The following TRAPPC9 variants were observed in gnomAD, a reference collection of about 807,000 sequenced individuals.
The protein encoded by TRAPPC9 is trafficking protein particle complex subunit 9, also known as IKK2 binding protein.
TRAPPC9 carries 83 observed loss-of-function variants against 124.0 expected under a neutral mutation model. The ratio of observed to expected loss-of-function variants is 0.67; its 90% CI spans 0.56 to 0.80. The LOEUF is 0.80. Ranked by LOEUF, TRAPPC9 falls within the 30% of genes least tolerant of loss-of-function variation. TRAPPC9 has a pLI of 0.00. For synonymous variants in TRAPPC9, 638 were observed against 617.5 expected (o/e 1.03, Z -0.49); for missense variants, 1,302 against 1,508.3 (o/e 0.86, Z 2.27).
At chr8:140,156,635 C>T (rs918041860) in intron 17 of TRAPPC9, among the ~76,000 whole-genome samples, 1 of 152,218 alleles carries the variant, frequency 6.6e-6, no homozygotes, top group African/African-American at 2.4e-5. Flanking sequence ...GGAGCTCCAG[C>T]CCTGCTTCCT....
At chr8:140,055,285 T>C (rs960428453) in intron 17 of TRAPPC9, among the ~76,000 whole-genome samples, 3 of 152,154 alleles carry the variant, frequency 2.0e-5, no homozygotes, top group African/African-American at 7.2e-5. Context: ...TCACCTGCAC[T>C]GATGCAGCAA....
intron 21 of TRAPPC9, among the ~76,000 whole-genome samples, chr8:139,775,008 C>T (rs905421162): frequency 2.0e-5 from 3 of 152,236 alleles, no homozygotes; most frequent in African/African-American, 7.2e-5. Context: ...TAGTGGGGCA[C>T]AGGCTGCCAC....
intron 9 of TRAPPC9, among the ~76,000 whole-genome samples, chr8:140,316,850 C>T (rs116840319): frequency 7.9e-4 from 121 of 152,242 alleles, no homozygotes; most frequent in African/African-American, 2.4e-3. Flanking sequence ...CCTCAGGTCC[C>T]GGGCTTTTCT....
In TRAPPC9 at chr8:139,729,233, T is replaced by C. The variant is rs1351346151; in HGVS notation, c.*1828A>G. On this transcript the variant is annotated 3_prime_UTR_variant, in exon 23 of 23. Transcript: ENST00000438773. ...TAGACACGTTCTGAGGCATAGAAAATTTATAATTTGGGGGGACATTGTCTA... is the reference window on the plus strand; with the variant it reads ...TAGACACGTTCTGAGGCATAGAAAACTTATAATTTGGGGGGACATTGTCTA... Among the ~76,000 whole-genome samples the C allele has an allele frequency of 6.6e-6, 1 of 152,212 alleles. No individual in the cohort carries two copies. The highest frequency in any genetic ancestry group is 1.9e-4 in the East Asian group (1 of 5,188).
intron 19 of TRAPPC9, chr8:139,914,869 T>C (rs2306075): frequency 0.044 from 6,751 of 152,366 alleles, 292 homozygotes; most frequent in African/African-American, 0.12. Flanking sequence ...TCCCTCCTCG[T>C]CCTGGGTTTA....
At chr8:139,787,701 C>T (rs1822364228) in intron 21 of TRAPPC9, among the ~76,000 whole-genome samples, 1 of 152,208 alleles carries the variant, frequency 6.6e-6, no homozygotes, top group African/African-American at 2.4e-5. Flanking sequence ...CAAGCTAACA[C>T]CACTGTTTTT....
intron 21 of TRAPPC9, among the ~76,000 whole-genome samples, chr8:139,772,757 G>A (rs778557178): frequency 5.9e-5 from 9 of 152,210 alleles, no homozygotes; most frequent in South Asian, 2.1e-4. Context: ...CTAAAGCCCA[G>A]TACAATACCT....
At chr8:139,764,115 C>G (rs533318968) in intron 21 of TRAPPC9, among the ~76,000 whole-genome samples, 72 of 152,220 alleles carry the variant, frequency 4.7e-4, no homozygotes, top group Middle Eastern at 6.8e-3. Flanking sequence ...ACGGTGAGGG[C>G]ACAGGTGTGG....
chr8:140,373,666 C>T (rs1024436349), intron 7 of TRAPPC9, among the ~76,000 whole-genome samples: 1 of 152,164 alleles, frequency 6.6e-6, no homozygotes, highest in Admixed American at 6.5e-5. Flanking sequence ...AGGATATCAC[C>T]TGCTCACCAG....
intron 17 of TRAPPC9, among the ~76,000 whole-genome samples, chr8:140,176,370 GAC>G (rs1431248244): frequency 1.3e-5 from 2 of 152,160 alleles, no homozygotes; most frequent in East Asian, 3.8e-4. Context: ...CTCCTGTTAT[GAC>G]AGTTTCACTT....
At chr8:139,880,249 C>G (rs1253164193) in intron 21 of TRAPPC9, among the ~76,000 whole-genome samples, 1 of 152,176 alleles carries the variant, frequency 6.6e-6, no homozygotes, top group Non-Finnish European at 1.5e-5. Context: ...AGGCGGCCGG[C>G]ATAGCCATGG....
intron 17 of TRAPPC9, among the ~76,000 whole-genome samples, chr8:140,148,957 T>C (rs2061500739): frequency 6.6e-6 from 1 of 152,262 alleles, no homozygotes; most frequent in Admixed American, 6.5e-5. Flanking sequence ...CTATTGATGA[T>C]GCTTCCTGAA....
rs535001314 is a variant in TRAPPC9 at position 140,053,280 on chromosome 8, C to A, written c.2557-29201G>T. On this transcript the variant is annotated intron_variant, in intron 17 of 22. Coordinates refer to ENST00000438773, the MANE Select transcript of TRAPPC9 (RefSeq NM_001160372.4). ...CAGCCTGGCAGACACCACCTGACCACTGTGACCAAAGCTACCAGCACCAGG... is the reference window on the plus strand; with the variant it reads ...CAGCCTGGCAGACACCACCTGACCAATGTGACCAAAGCTACCAGCACCAGG... Among the ~76,000 whole-genome samples, 4 of 152,360 alleles carry A rather than the reference C, an allele frequency of 2.6e-5. No individual in the cohort carries two copies. The East Asian group carries it at 7.7e-4, about 29-fold the overall frequency.
rs1563868284 is a variant in TRAPPC9 at position 140,233,654 on chromosome 8, A to ACACACACACAC, written c.2432-12072_2432-12071insGTGTGTGTGTG. 1.9e-3 allele frequency among the ~76,000 whole-genome samples: 74 copies of ACACACACACAC among 38,224 alleles called. 1 individual carries two copies. Among genetic ancestry groups the ACACACACACAC allele is most frequent in the African/African-American group, 5.9e-3 (70 of 11,802 alleles). The allele number at this position is 38,224 out of a possible 152,430, so 25.1% of individuals were successfully genotyped here. On this transcript the variant is annotated intron_variant, in intron 16 of 22. Transcript: ENST00000438773. ...ACACACACACACACACACACACATA[A>ACACACACACAC]ACACACCCTCTCTCTCCCCTACCAC...
chr8:139,802,896 C>G (rs552801266), intron 21 of TRAPPC9, among the ~76,000 whole-genome samples: 8 of 152,072 alleles, frequency 5.3e-5, no homozygotes, highest in South Asian at 4.2e-4. Context: ...GCTCTGTGTG[C>G]ATGTTGTGTA....
intron 19 of TRAPPC9, among the ~76,000 whole-genome samples, chr8:139,969,877 T>C (rs1041407630): frequency 1.3e-5 from 2 of 152,258 alleles, no homozygotes; most frequent in Admixed American, 6.5e-5. Context: ...GACTCCATTA[T>C]GTCAGCCTCA....
rs149959734 is a variant in TRAPPC9, at chr8:140,124,443, C to T, written c.2556+97016G>A. 3.9e-4 allele frequency among the ~76,000 whole-genome samples: 60 copies of T among 152,354 alleles called. 1 individual carries two copies. The East Asian group carries it at 9.8e-3, about 25-fold the overall frequency. ...TGGGCCCATCTGGATGATCCAGGAT[C>T]GCCTCCCCTTCTCAAGGTCCTTAAC... On this transcript the variant is annotated intron_variant, in intron 17 of 22. Transcript: ENST00000438773.
intron 8 of TRAPPC9, 88 bp from the exon 9 acceptor site, chr8:140,360,281 G>T: frequency 1.3e-6 from 2 of 1,536,364 alleles, no homozygotes; most frequent in East Asian, 4.6e-5. Flanking sequence ...TTGGCAATTT[G>T]AAGACAGATG....
At chr8:140,403,787 A>G (rs1439232444) in intron 6 of TRAPPC9, among the ~76,000 whole-genome samples, 2 of 151,924 alleles carry the variant, frequency 1.3e-5, no homozygotes, top group African/African-American at 4.8e-5. Flanking sequence ...CCTCCCGAGT[A>G]GCTGGGACTA....
Sources: gnomAD v4.1 joint callset for allele counts (sites outside exome capture counted in the v4.1 genomes callset) on GRCh38, gnomAD v4.1.1 for gene constraint, MANE v1.5 for transcripts, NCBI Gene and HGNC (gene_info 2026-07-23, HGNC 2026-07-21) for gene names.